Variants in TENM4 observed in about 807,000 individuals in gnomAD.
The protein encoded by TENM4 is teneurin transmembrane protein 4.
A neutral mutation model predicts 243.3 loss-of-function variants in TENM4; 82 were observed. The observed-to-expected ratio is 0.34, with a 90% CI of 0.28 to 0.40. TENM4 has a LOEUF of 0.40. Ranked by LOEUF, TENM4 falls within the 10% of genes least tolerant of loss-of-function variation. The probability of loss-of-function intolerance (pLI) is 1.00; values close to 1 mark genes in which losing one functional copy is unlikely to be tolerated. For synonymous variants in TENM4, 1,412 were observed against 1,456.3 expected, an observed-to-expected ratio of 0.97 and a Z score of 0.69; for missense variants, 3,138 against 3,673.3, an observed-to-expected ratio of 0.85 and a Z score of 3.77.
chr11:79,387,605 A>G (rs1434503786), intron 1 of TENM4, among the ~76,000 whole-genome samples: 1 of 136,848 alleles, frequency 7.3e-6, no homozygotes, highest in Non-Finnish European at 1.6e-5. Context: ...CATGTACTTC[A>G]TAAATGAGTT....
At chr11:79,349,571 T>G (rs991366518) in intron 1 of TENM4, among the ~76,000 whole-genome samples, 3 of 152,154 alleles carry the variant, frequency 2.0e-5, no homozygotes, top group African/African-American at 4.8e-5. Flanking sequence ...GGTTTTGCAG[T>G]GAATAAGACA....
At chr11:79,423,381 G>A (rs566318191) in intron 1 of TENM4, among the ~76,000 whole-genome samples, 1 of 152,072 alleles carries the variant, frequency 6.6e-6, no homozygotes, top group South Asian at 2.1e-4. Context: ...AAGAGTCAGG[G>A]CTAAAACTGA....
chr11:78,866,372 T>C (rs910000358), intron 9 of TENM4, among the ~76,000 whole-genome samples: 2 of 148,874 alleles, frequency 1.3e-5, no homozygotes, highest in Non-Finnish European at 3.0e-5. Context: ...CCAGAATGAA[T>C]AGAACTCTCA....
intron 3 of TENM4, among the ~76,000 whole-genome samples, chr11:79,177,133 AC>A (rs139353718): frequency 0.032 from 4,834 of 150,736 alleles, 282 homozygotes; most frequent in African/African-American, 0.11. Context: ...AATTGTTTAA[AC>A]CTTTTTTTTT....
At chr11:79,271,300 G>A (rs577023286) in intron 2 of TENM4, among the ~76,000 whole-genome samples, 6 of 152,270 alleles carry the variant, frequency 3.9e-5, no homozygotes, top group African/African-American at 1.2e-4. Flanking sequence ...AATGCTAATC[G>A]GAAAGACAAA....
chr11:79,058,995 C>T (rs1304554171), intron 6 of TENM4, among the ~76,000 whole-genome samples: 1 of 152,046 alleles, frequency 6.6e-6, no homozygotes, highest in Non-Finnish European at 1.5e-5. Context: ...GGGTATGGGG[C>T]CAAGGAGAGC....
At chr11:78,929,911 G>A (rs1383084796) in intron 6 of TENM4, among the ~76,000 whole-genome samples, 1 of 152,180 alleles carries the variant, frequency 6.6e-6, no homozygotes, top group Non-Finnish European at 1.5e-5. Flanking sequence ...ATTCTGGACA[G>A]AACAGAACCC....
intron 6 of TENM4, among the ~76,000 whole-genome samples, chr11:78,992,643 T>C (rs1858074448): frequency 6.6e-6 from 1 of 152,148 alleles, no homozygotes; most frequent in South Asian, 2.1e-4. Flanking sequence ...GCAGAAGAAA[T>C]AGCATGGACA....
At chr11:78,777,614 C>T (rs906632621) in intron 17 of TENM4, among the ~76,000 whole-genome samples, 5 of 152,146 alleles carry the variant, frequency 3.3e-5, no homozygotes. Context: ...AATCCTCATA[C>T]TAGCCTTATG....
chr11:79,031,417 G>A (rs868558582), intron 6 of TENM4, among the ~76,000 whole-genome samples: 25 of 152,164 alleles, frequency 1.6e-4, no homozygotes, highest in African/African-American at 5.8e-4. Context: ...TTTAAAGCCA[G>A]GGTGGGGAGT....
At chr11:79,338,328 T>C (rs903111534) in intron 1 of TENM4, among the ~76,000 whole-genome samples, 1 of 152,228 alleles carries the variant, frequency 6.6e-6, no homozygotes, top group African/African-American at 2.4e-5. Context: ...CCTTCTCCCT[T>C]GGGAATTGTT....
intron 1 of TENM4, among the ~76,000 whole-genome samples, chr11:79,335,037 T>C (rs576880872): frequency 8.9e-4 from 135 of 152,186 alleles, no homozygotes; most frequent in Non-Finnish European, 1.5e-3. Context: ...CTCTGAAAAA[T>C]ATTCCTGAAA....
chr11:78,992,146 A>C (rs972756325), intron 6 of TENM4, among the ~76,000 whole-genome samples: 1 of 152,180 alleles, frequency 6.6e-6, no homozygotes, highest in Non-Finnish European at 1.5e-5. Flanking sequence ...AGGAGTTCAG[A>C]CCTGAGAGCA....
chr11:79,417,864 A>G (rs1028392936), intron 1 of TENM4, among the ~76,000 whole-genome samples: 1 of 152,110 alleles, frequency 6.6e-6, no homozygotes, highest in African/African-American at 2.4e-5. Flanking sequence ...TTCCCTACTC[A>G]GAGATTGCCA....
intron 3 of TENM4, among the ~76,000 whole-genome samples, chr11:79,204,006 T>C (rs376617882): frequency 6.6e-6 from 1 of 152,216 alleles, no homozygotes; most frequent in African/African-American, 2.4e-5. Context: ...ATTTATACAA[T>C]AACATTTCCA....
intron 13 of TENM4, among the ~76,000 whole-genome samples, 191 bp downstream of exon 13, chr11:78,814,103 A>G (rs568271487): frequency 6.6e-6 from 1 of 152,280 alleles, no homozygotes; most frequent in East Asian, 1.9e-4. Context: ...ACATGTGGAT[A>G]ACAGCAGCTG....
intron 1 of TENM4, among the ~76,000 whole-genome samples, chr11:79,345,137 T>C (rs1857305325): frequency 2.0e-5 from 3 of 152,246 alleles, no homozygotes; most frequent in Admixed American, 2.0e-4. Flanking sequence ...GTATTCATTG[T>C]TCAAACTCTT....
intron 3 of TENM4, among the ~76,000 whole-genome samples, chr11:79,149,463 A>G (rs1862453010): frequency 6.6e-6 from 1 of 152,162 alleles, no homozygotes; most frequent in South Asian, 2.1e-4. Flanking sequence ...TCATTCATTT[A>G]TAATCATTTT....
At chr11:79,276,176 C>T (rs1166110651) in intron 2 of TENM4, among the ~76,000 whole-genome samples, 2 of 152,212 alleles carry the variant, frequency 1.3e-5, no homozygotes, top group East Asian at 1.9e-4. Context: ...GGACCTCAGG[C>T]CACTGGCCAT....
Sources: allele counts gnomAD v4.1 joint callset (sites outside exome capture counted in the v4.1 genomes callset), GRCh38; gene constraint gnomAD v4.1.1; transcripts MANE v1.5; gene names NCBI Gene and HGNC (gene_info 2026-07-23, HGNC 2026-07-21).